Variants in RANBP2 observed in about 807,000 individuals in gnomAD.
RANBP2 encodes E3 SUMO-protein ligase RanBP2.
In RANBP2, 57 loss-of-function variants were observed where a neutral mutation model predicts 303.6. That is an observed-to-expected ratio of 0.19 (90% confidence interval 0.15 to 0.23). The LOEUF is 0.23. Ranked by LOEUF, RANBP2 falls within the 10% of genes least tolerant of loss-of-function variation. RANBP2 has a pLI of 1.00. For synonymous variants in RANBP2, 1,167 were observed against 1,301.5 expected, an observed-to-expected ratio of 0.90 and a Z score of 2.23; for missense variants, 3,138 against 3,780.8, an observed-to-expected ratio of 0.83 and a Z score of 4.46.
At chr2:108,875,770 G>T in the RANBP2 span, among the ~76,000 whole-genome samples, 1 of 152,162 alleles carries the variant, frequency 6.6e-6, no homozygotes, top group Non-Finnish European at 1.5e-5. Flanking sequence ...GAGATGGGAG[G>T]ATTGCTTGAG....
chr2:108,821,415 A>G, the RANBP2 span, among the ~76,000 whole-genome samples: 127,487 of 152,160 alleles, frequency 0.84, 53,485 homozygotes, highest in East Asian at 0.95. Flanking sequence ...AGCCATAATG[A>G]TGCAGAGTTA....
At chr2:109,025,798 G>C in the RANBP2 span, among the ~76,000 whole-genome samples, 3 of 104,518 alleles carry the variant, frequency 2.9e-5, no homozygotes, top group East Asian at 8.0e-4. Context: ...ACTCCGTCTC[G>C]AAAAAAAAAA....
At chr2:108,886,515 C>T in the RANBP2 span, among the ~76,000 whole-genome samples, 29 of 152,208 alleles carry the variant, frequency 1.9e-4, no homozygotes, top group East Asian at 5.2e-3. Context: ...CTTGGGTTCA[C>T]GCCGTTCTCC....
In RANBP2 at chr2:108,765,120, GACAAGTAAA is replaced by G. The variant is rs1427122612; in HGVS notation, c.4584_4592del (p.Ser1529_Thr1531del). 1 of 1,613,956 alleles carries G rather than the reference GACAAGTAAA, an allele frequency of 6.2e-7. No individual in the cohort carries two copies. The highest frequency in any genetic ancestry group is 1.3e-5 in the African/African-American group (1 of 74,980). Reference sequence around the variant, plus strand: ...CCTCTTTTAAGTTTGGTACTTCAGAGACAAGTAAAACTCTAAAAAGTGGATTTGAAGACA... The same window carrying G: ...CCTCTTTTAAGTTTGGTACTTCAGAGACTCTAAAAAGTGGATTTGAAGACA... On this transcript the variant is annotated inframe_deletion, in exon 20 of 29. Coordinates refer to ENST00000283195, the MANE Select transcript of RANBP2 (RefSeq NM_006267.5).
chr2:109,287,118 G>A, the RANBP2 span, among the ~76,000 whole-genome samples: 2 of 152,156 alleles, frequency 1.3e-5, no homozygotes, highest in Non-Finnish European at 2.9e-5. Flanking sequence ...GACAGCCATG[G>A]TATTGGCCTC....
the RANBP2 span, among the ~76,000 whole-genome samples, chr2:109,059,738 G>A: frequency 1.6e-4 from 24 of 152,306 alleles, no homozygotes; most frequent in Non-Finnish European, 3.1e-4. Flanking sequence ...GCAGAATGTA[G>A]GCTGACCTGA....
At chr2:108,962,103 T>A in the RANBP2 span, among the ~76,000 whole-genome samples, 1 of 152,158 alleles carries the variant, frequency 6.6e-6, no homozygotes, top group Non-Finnish European at 1.5e-5. Flanking sequence ...GATGTCCAAG[T>A]GAGACTGTGA....
the RANBP2 span, among the ~76,000 whole-genome samples, chr2:108,797,353 C>G: frequency 6.6e-6 from 1 of 152,094 alleles, no homozygotes; most frequent in South Asian, 2.1e-4. Context: ...AGGAAAGAGA[C>G]GGCAGTATAA....
chr2:109,011,011 A>C, the RANBP2 span, among the ~76,000 whole-genome samples: 8 of 152,270 alleles, frequency 5.3e-5, no homozygotes, highest in African/African-American at 1.9e-4. Context: ...GTCTCATGCA[A>C]GGTGTCTCTT....
chr2:108,835,790 C>T, the RANBP2 span, among the ~76,000 whole-genome samples: 4 of 152,178 alleles, frequency 2.6e-5, no homozygotes, highest in Non-Finnish European at 4.4e-5. Context: ...CTGTTTTGTG[C>T]TGTTACAACA....
chr2:108,719,558 G>C lies in RANBP2; in HGVS notation c.-49G>C. 6.4e-7 allele frequency: 1 copy of C among 1,574,530 alleles called. No homozygotes were observed. On this transcript the variant is annotated 5_prime_UTR_variant, in exon 1 of 29. Coordinates refer to ENST00000283195, the MANE Select transcript of RANBP2 (RefSeq NM_006267.5). The stretch of plus-strand genomic sequence containing the variant: ...TCCTCTTGGAAGTGGCGACTGCTGC[G>C]GGCCTGAGCGCTGGTCTCACGCGCC...
At chr2:109,232,948 C>G in the RANBP2 span, among the ~76,000 whole-genome samples, 1 of 152,068 alleles carries the variant, frequency 6.6e-6, no homozygotes, top group Non-Finnish European at 1.5e-5. Flanking sequence ...AGGAGAGTTC[C>G]CTTACCCCTT....
At chr2:109,153,599 G>A in the RANBP2 span, among the ~76,000 whole-genome samples, 2 of 152,260 alleles carry the variant, frequency 1.3e-5, no homozygotes, top group Non-Finnish European at 2.9e-5. Flanking sequence ...TGCCCTGTGT[G>A]TGTGGAAGCT....
the RANBP2 span, among the ~76,000 whole-genome samples, chr2:109,706,565 C>G: frequency 9.8e-5 from 15 of 152,350 alleles, no homozygotes; most frequent in South Asian, 1.0e-3. Context: ...TGCCCTCTCC[C>G]ATGGCACCAA....
At chr2:109,736,092 A>G in the RANBP2 span, among the ~76,000 whole-genome samples, 1 of 152,194 alleles carries the variant, frequency 6.6e-6, no homozygotes, top group South Asian at 2.1e-4. Flanking sequence ...AATTTCATAC[A>G]CCGTAAATTC....
the RANBP2 span, among the ~76,000 whole-genome samples, chr2:109,124,158 A>G: frequency 3.3e-5 from 5 of 150,922 alleles, no homozygotes; most frequent in Non-Finnish European, 5.9e-5. Context: ...TTAAAGGCAC[A>G]TGCCACCACA....
the RANBP2 span, among the ~76,000 whole-genome samples, chr2:109,295,065 G>A: frequency 6.6e-6 from 1 of 152,218 alleles, no homozygotes; most frequent in Admixed American, 6.5e-5. Context: ...TGCCACTGTT[G>A]TCCATGTCAC....
At chr2:109,642,456 G>A in the RANBP2 span, among the ~76,000 whole-genome samples, 10 of 152,140 alleles carry the variant, frequency 6.6e-5, no homozygotes, top group Non-Finnish European at 1.2e-4. Flanking sequence ...CACATAGAAA[G>A]GTAACTAACA....
At chr2:108,944,079 ACT>A in the RANBP2 span, among the ~76,000 whole-genome samples, 24 of 151,966 alleles carry the variant, frequency 1.6e-4, no homozygotes, top group African/African-American at 5.8e-4. Context: ...AGGAGCAAAC[ACT>A]CTGTTCCTGT....
Sources: gnomAD v4.1 joint callset for allele counts (sites outside exome capture counted in the v4.1 genomes callset) on GRCh38, gnomAD v4.1.1 for gene constraint, MANE v1.5 for transcripts, NCBI Gene and HGNC (gene_info 2026-07-23, HGNC 2026-07-21) for gene names.